The following NBEA variants were observed in gnomAD, a reference collection of about 807,000 sequenced individuals.
NBEA encodes the protein neurobeachin, also known as lysosomal-trafficking regulator 2.
Under a neutral mutation model 343.4 loss-of-function variants are expected in NBEA, and 44 were observed. That is an observed-to-expected ratio of 0.13 (90% CI 0.10 to 0.16). The LOEUF (loss-of-function observed/expected upper bound fraction) is 0.16. NBEA is among the 10% of genes least tolerant of loss of function. NBEA has a pLI of 1.00. For synonymous variants in NBEA, 1,175 were observed against 1,238.7 expected, an observed-to-expected ratio of 0.95 and a Z score of 1.08; for missense variants, 2,555 against 3,631.3, an observed-to-expected ratio of 0.70 and a Z score of 7.62.
chr13:35,381,965 T>C (rs1449958151), intron 38 of NBEA, among the ~76,000 whole-genome samples: 2 of 152,106 alleles, frequency 1.3e-5, no homozygotes, highest in African/African-American at 4.8e-5. Context: ...TAAAACTAAA[T>C]TGATGAAGAA....
chr13:35,079,317 G>A (rs2152597946), intron 10 of NBEA, among the ~76,000 whole-genome samples: 1 of 152,188 alleles, frequency 6.6e-6, no homozygotes, highest in African/African-American at 2.4e-5. Context: ...GGATTTACTG[G>A]AGAAAGTAAA....
At chr13:35,487,315 A>G (rs1382035070) in intron 41 of NBEA, among the ~76,000 whole-genome samples, 2 of 152,022 alleles carry the variant, frequency 1.3e-5, no homozygotes, top group South Asian at 4.1e-4. Flanking sequence ...TAGAATTAGT[A>G]CTTATAGTTA....
chr13:34,954,225 A>G (rs1171459510), intron 1 of NBEA, among the ~76,000 whole-genome samples: 2 of 152,174 alleles, frequency 1.3e-5, no homozygotes, highest in African/African-American at 4.8e-5. Flanking sequence ...GAACTTGGGA[A>G]TCTATGGATT....
At chr13:35,647,864 C>T (rs1251188433) in intron 51 of NBEA, among the ~76,000 whole-genome samples, 2 of 152,082 alleles carry the variant, frequency 1.3e-5, no homozygotes, top group Non-Finnish European at 2.9e-5. Context: ...CACGCCCGAC[C>T]TAAATGCATT....
At chr13:35,429,336 T>C (rs923222882) in intron 38 of NBEA, among the ~76,000 whole-genome samples, 3 of 147,388 alleles carry the variant, frequency 2.0e-5, no homozygotes, top group African/African-American at 7.5e-5. Flanking sequence ...GTAGGTCAGG[T>C]GGGGACACAA....
chr13:35,405,472 C>T (rs1265980151), intron 38 of NBEA, among the ~76,000 whole-genome samples: 1 of 151,960 alleles, frequency 6.6e-6, no homozygotes, highest in African/African-American at 2.4e-5. Flanking sequence ...TAATTTATCC[C>T]AATTTTGTGA....
At position 35,551,052 on chromosome 13, in the gene NBEA, T is replaced by C. The variant is rs1329898632; in HGVS notation, c.6806+20T>C. 6.0e-6 allele frequency: 8 copies of C among 1,329,488 alleles called. No individual in the cohort carries two copies. Among genetic ancestry groups the C allele is most frequent in the Non-Finnish European group, 8.6e-6 (8 of 928,384 alleles). 82.4% of individuals were successfully genotyped at this position (1,329,488 alleles called of 1,614,324 possible). A position where few individuals can be genotyped will look rare whatever the true frequency, so the allele number is the denominator to read the frequency against. The stretch of plus-strand genomic sequence containing the variant: ...AGCCAGGTAATTATATCATATTACA[T>C]ATTATCTATGGCTTGTTAACATATT... On this transcript the variant is annotated intron_variant, in intron 43 of 58. Transcript: ENST00000379939.
chr13:35,005,750 C>G (rs574823225), intron 1 of NBEA, among the ~76,000 whole-genome samples: 27 of 152,188 alleles, frequency 1.8e-4, no homozygotes, highest in Non-Finnish European at 1.2e-4. Context: ...GGATAGCTTA[C>G]CAGAGGAAGT....
intron 41 of NBEA, among the ~76,000 whole-genome samples, chr13:35,548,023 G>A (rs528764365): frequency 4.6e-5 from 7 of 152,294 alleles, no homozygotes; most frequent in Non-Finnish European, 5.9e-5. Context: ...AGCATCATGC[G>A]TCCCAGAGCC....
chr13:35,421,514 G>C lies in NBEA; in HGVS notation c.6180-10755G>C, dbSNP rs184453291. Among the ~76,000 whole-genome samples, 571 of 152,060 alleles carry C rather than the reference G, an allele frequency of 3.8e-3. 8 individuals are homozygous for C. Among genetic ancestry groups the C allele is most frequent in the Non-Finnish European group, 6.4e-3 (435 of 67,958 alleles). ...TAAATATTACCAGTAAATATACTTAGAACCACATCAGTGTTACAATTTTTG... is the reference window on the plus strand; with the variant it reads ...TAAATATTACCAGTAAATATACTTACAACCACATCAGTGTTACAATTTTTG... On this transcript the variant is annotated intron_variant, in intron 38 of 58. Coordinates refer to ENST00000379939, the MANE Select transcript of NBEA (RefSeq NM_001385012.1).
At chr13:35,474,021 G>T (rs962713319) in intron 41 of NBEA, among the ~76,000 whole-genome samples, 6 of 152,252 alleles carry the variant, frequency 3.9e-5, no homozygotes, top group African/African-American at 1.4e-4. Flanking sequence ...AAGTAAGTTA[G>T]AGACTGAGAG....
At chr13:35,420,913 G>A (rs759702696) in intron 38 of NBEA, among the ~76,000 whole-genome samples, 1 of 151,754 alleles carries the variant, frequency 6.6e-6, no homozygotes, top group African/African-American at 2.4e-5. Flanking sequence ...TTAGAGGTGT[G>A]TCAGTGTTAT....
intron 41 of NBEA, among the ~76,000 whole-genome samples, chr13:35,503,041 C>G (rs2076946618): frequency 6.6e-6 from 1 of 151,968 alleles, no homozygotes; most frequent in Non-Finnish European, 1.5e-5. Context: ...TAAATGTTTA[C>G]TAGTTTCCAG....
intron 38 of NBEA, among the ~76,000 whole-genome samples, chr13:35,411,482 A>G (rs1406750146): frequency 1.0e-4 from 15 of 149,794 alleles, no homozygotes; most frequent in Non-Finnish European, 2.2e-4. Context: ...TTTGAGACAG[A>G]GTTGTACTCT....
chr13:35,575,128 T>C (rs898824447), intron 45 of NBEA, among the ~76,000 whole-genome samples: 3 of 152,178 alleles, frequency 2.0e-5, no homozygotes, highest in Non-Finnish European at 4.4e-5. Context: ...TATGAAAAAC[T>C]ATAAAAAGAA....
intron 17 of NBEA, among the ~76,000 whole-genome samples, chr13:35,133,911 T>A (rs972169631): frequency 6.6e-6 from 1 of 151,772 alleles, no homozygotes; most frequent in East Asian, 1.9e-4. Flanking sequence ...GGTGGTTACA[T>A]GAATATTTAT....
chr13:35,169,014 G>C lies in NBEA; in HGVS notation c.4242+19G>C. 6.7e-7 allele frequency: 1 copy of C among 1,482,284 alleles called. No individual in the cohort carries two copies. Among genetic ancestry groups the C allele is most frequent in the Non-Finnish European group, 9.0e-7 (1 of 1,116,296 alleles). 91.8% of individuals were successfully genotyped at this position (1,482,284 alleles called of 1,614,324 possible). Reference sequence around the variant, plus strand: ...TTCTAAGGTTAGTATTACTTTTGTAGTAATTTTCAGCTTTCAGTTTCAAGT... The same window carrying C: ...TTCTAAGGTTAGTATTACTTTTGTACTAATTTTCAGCTTTCAGTTTCAAGT... On this transcript the variant is annotated intron_variant, in intron 25 of 58. Transcript: ENST00000379939.
chr13:35,432,537 G>T, intron 39 of NBEA, 144 bp downstream of exon 39: 2 of 693,320 alleles, frequency 2.9e-6, no homozygotes, highest in Non-Finnish European at 4.2e-6. Context: ...TTATCCTTCA[G>T]CATCATTTAG....
intron 49 of NBEA, 52 bp from the exon 50 acceptor site, chr13:35,645,817 A>G: frequency 8.6e-7 from 1 of 1,157,036 alleles, no homozygotes; most frequent in Non-Finnish European, 1.2e-6. Context: ...TCTGAATTTT[A>G]TTTTGTATAA....
Sources: gnomAD v4.1 joint callset for allele counts (sites outside exome capture counted in the v4.1 genomes callset) on GRCh38, gnomAD v4.1.1 for gene constraint, MANE v1.5 for transcripts, NCBI Gene and HGNC (gene_info 2026-07-23, HGNC 2026-07-21) for gene names.